FARS2: variants seen among roughly 807,000 people sequenced by gnomAD.
FARS2 encodes the protein phenylalanyl-tRNA synthetase 2, mitochondrial, also known as phenylalanine--tRNA ligase, mitochondrial.
In FARS2, 40 loss-of-function variants were observed where a neutral mutation model predicts 46.4. The observed-to-expected ratio is 0.86, with a 90% CI of 0.67 to 1.12. The LOEUF is 1.12. Among genes scored for constraint, FARS2 ranks in the 50% most tolerant of loss-of-function variants. The pLI is 0.00. For missense variants in FARS2, 513 were observed against 567.9 expected, an observed-to-expected ratio of 0.90 and a Z score of 0.98; for synonymous variants, 234 against 214.9, an observed-to-expected ratio of 1.09 and a Z score of -0.78.
rs114407114 is a variant in FARS2 at position 5,320,430 on chromosome 6, G to A, written c.-21-48120G>A. Among the ~76,000 whole-genome samples the A allele has an allele frequency of 4.0e-3, 610 of 152,296 alleles. 3 individuals carry two copies. The highest frequency in any genetic ancestry group is 0.037 in the Middle Eastern group (11 of 294). ...TGCCCATTCAGTTGTTCTGTGCTGG[G>A]GACCAAACCCTTCAGCTCTCCAAGT... is the stretch of plus-strand genomic sequence containing the variant. On this transcript the variant is annotated intron_variant, in intron 1 of 6. Transcript: ENST00000274680.
At chr6:5,286,700 A>G (rs1040881086) in intron 1 of FARS2, among the ~76,000 whole-genome samples, 1 of 152,228 alleles carries the variant, frequency 6.6e-6, no homozygotes, top group Non-Finnish European at 1.5e-5. Flanking sequence ...TATAAAATAC[A>G]TGTATGATAT....
chr6:5,342,337 C>T (rs530295570), intron 1 of FARS2, among the ~76,000 whole-genome samples: 1 of 152,306 alleles, frequency 6.6e-6, no homozygotes, highest in African/African-American at 2.4e-5. Flanking sequence ...TATTTGAAGA[C>T]TGTGGTGCAT....
chr6:5,573,145 A>G (rs1233602204), intron 5 of FARS2, among the ~76,000 whole-genome samples: 4 of 152,202 alleles, frequency 2.6e-5, no homozygotes, highest in East Asian at 1.9e-4. Context: ...CACTGATTCA[A>G]TAACTCTCTG....
chr6:5,481,809 G>GA (rs1344106908), intron 4 of FARS2, among the ~76,000 whole-genome samples: 2 of 53,458 alleles, frequency 3.7e-5, no homozygotes, highest in Non-Finnish European at 9.5e-5. Flanking sequence ...CTGTTAAAAA[G>GA]ACCCCCCTTG....
chr6:5,396,830 C>G (rs1394105889), intron 2 of FARS2, among the ~76,000 whole-genome samples: 2 of 152,138 alleles, frequency 1.3e-5, no homozygotes, highest in East Asian at 3.9e-4. Flanking sequence ...TTCACCTCTT[C>G]AAGAGCGGTA....
rs1470539531 is a variant in FARS2 at position 5,431,162 on chromosome 6, G to A, written c.894G>A (p.Leu298=). The A allele has an allele frequency of 6.2e-7, 1 of 1,613,522 alleles. No homozygotes were observed. ...GCTGCGGGGTGATGGAACAACAACT[G>A]GTCAATTCAGGTAAAAAAGAATCCC... is the stretch of plus-strand genomic sequence containing the variant. ...VLGCGVMEQQ[L]VNSAGAQDRI... Residue 298 remains leucine, a synonymous_variant, in exon 4 of 7, where the codon CTG becomes CTA. Transcript: ENST00000274680.
At chr6:5,409,542 C>T (rs573950160) in intron 3 of FARS2, among the ~76,000 whole-genome samples, 2 of 152,154 alleles carry the variant, frequency 1.3e-5, no homozygotes, top group African/African-American at 4.8e-5. Context: ...AAAATATTGT[C>T]AGCCTAGACT....
intron 4 of FARS2, among the ~76,000 whole-genome samples, chr6:5,529,215 G>T (rs1023212023): frequency 6.6e-6 from 1 of 152,200 alleles, no homozygotes; most frequent in East Asian, 1.9e-4. Context: ...TCTGACTCGT[G>T]ATGAGCAAGT....
chr6:5,464,434 C>A (rs944796676), intron 4 of FARS2, among the ~76,000 whole-genome samples: 14 of 152,182 alleles, frequency 9.2e-5, no homozygotes, highest in Non-Finnish European at 1.9e-4. Context: ...CTAGCTTATT[C>A]CAGGTCTTCC....
chr6:5,501,216 A>C (rs576554961), intron 4 of FARS2, among the ~76,000 whole-genome samples: 25 of 152,136 alleles, frequency 1.6e-4, no homozygotes, highest in Non-Finnish European at 2.4e-4. Context: ...GCCTTGTACT[A>C]AGGTAAACAA....
intron 1 of FARS2, among the ~76,000 whole-genome samples, chr6:5,337,935 T>C (rs1369422057): frequency 6.6e-6 from 1 of 152,208 alleles, no homozygotes; most frequent in Non-Finnish European, 1.5e-5. Context: ...GTTTAGGTGG[T>C]AATGCCATCT....
At chr6:5,713,180 T>C (rs1429499687) in intron 6 of FARS2, among the ~76,000 whole-genome samples, 1 of 152,222 alleles carries the variant, frequency 6.6e-6, no homozygotes, top group Non-Finnish European at 1.5e-5. Context: ...TGGATACATT[T>C]GACAGGGAAG....
chr6:5,489,672 T>C (rs1300377273), intron 4 of FARS2, among the ~76,000 whole-genome samples: 2 of 152,210 alleles, frequency 1.3e-5, no homozygotes, highest in African/African-American at 4.8e-5. Context: ...TATCACTCTT[T>C]CCTGTACAGG....
At chr6:5,267,577 C>T (rs552554859) in intron 1 of FARS2, among the ~76,000 whole-genome samples, 40 of 151,754 alleles carry the variant, frequency 2.6e-4, no homozygotes, top group African/African-American at 9.2e-4. Flanking sequence ...AGTGAAAACC[C>T]GTCTCTACTA....
At chr6:5,686,505 A>C (rs1757236502) in intron 6 of FARS2, among the ~76,000 whole-genome samples, 1 of 152,180 alleles carries the variant, frequency 6.6e-6, no homozygotes, top group Admixed American at 6.5e-5. Flanking sequence ...TTCCAGCTTC[A>C]TCCATGTCCC....
intron 6 of FARS2, among the ~76,000 whole-genome samples, chr6:5,707,209 T>C (rs1470866420): frequency 6.6e-6 from 1 of 152,100 alleles, no homozygotes; most frequent in Non-Finnish European, 1.5e-5. Context: ...AGCATGGACC[T>C]ACCCCAAGCC....
chr6:5,486,741 C>T (rs1031057963), intron 4 of FARS2, among the ~76,000 whole-genome samples: 5 of 152,178 alleles, frequency 3.3e-5, no homozygotes, highest in East Asian at 1.9e-4. Flanking sequence ...CTTCATCCCC[C>T]GTGGTCAGCT....
intron 6 of FARS2, among the ~76,000 whole-genome samples, chr6:5,709,697 T>TGCGC (rs1554127953): frequency 1.4e-3 from 130 of 91,416 alleles, no homozygotes; most frequent in East Asian, 3.7e-3. Flanking sequence ...TGTGTGTGTG[T>TGCGC]GCGCATGCAC....
chr6:5,588,197 C>T (rs1773721103), intron 5 of FARS2, among the ~76,000 whole-genome samples: 1 of 151,856 alleles, frequency 6.6e-6, no homozygotes, highest in Admixed American at 6.6e-5. Flanking sequence ...CAAATGTGCA[C>T]ATGGGCCAAG....
Sources: gnomAD v4.1 joint callset for allele counts (sites outside exome capture counted in the v4.1 genomes callset) on GRCh38, gnomAD v4.1.1 for gene constraint, MANE v1.5 for transcripts, NCBI Gene and HGNC (gene_info 2026-07-23, HGNC 2026-07-21) for gene names.